Variants in ELL2 observed in about 807,000 individuals in gnomAD.
The protein encoded by ELL2 is RNA polymerase II elongation factor ELL2.
In ELL2, 21 loss-of-function variants were observed where a neutral mutation model predicts 72.8. That is an observed-to-expected ratio of 0.29 (90% CI 0.20 to 0.42). The LOEUF (loss-of-function observed/expected upper bound fraction) is 0.42. Among genes scored for constraint, ELL2 ranks in the 10% least tolerant of loss-of-function variants. The pLI, the probability that ELL2 is intolerant of heterozygous loss-of-function variation, is 1.00. For synonymous variants in ELL2, 266 were observed against 283.2 expected, an observed-to-expected ratio of 0.94 and a Z score of 0.61; for missense variants, 568 against 772.8, an observed-to-expected ratio of 0.73 and a Z score of 3.14.
In ELL2 at chr5:95,933,539, A is replaced by T. The variant is rs114731783; in HGVS notation, c.195+9463T>A. On this transcript the variant is annotated intron_variant, in intron 2 of 11. Transcript: ENST00000237853. ...AAGCAATAAACACATTAAGCCTGCA[A>T]TTTTAAAAATGTAAGTGTGAGCAAG... Among the ~76,000 whole-genome samples the T allele has an allele frequency of 7.5e-3, 1,148 of 152,276 alleles. 12 individuals carry two copies. The highest frequency in any genetic ancestry group is 0.027 in the African/African-American group (1,105 of 41,568).
At chr5:95,907,161 A>T (rs1446427050) in intron 4 of ELL2, among the ~76,000 whole-genome samples, 1 of 151,892 alleles carries the variant, frequency 6.6e-6, no homozygotes, top group African/African-American at 2.4e-5. Context: ...GAAATGTCAG[A>T]AATACCTGTC....
rs1749640466 is a variant in ELL2 at position 95,912,409 on chromosome 5, A to C, written c.481+1362T>G. ...AACAATTTGCCTCACTGTTTATAAA[A>C]TGGTGGTATTGGGCAGAGGAAAACA... On this transcript the variant is annotated intron_variant, in intron 4 of 11. Coordinates refer to ENST00000237853, the MANE Select transcript of ELL2 (RefSeq NM_012081.6). Among the ~76,000 whole-genome samples, 2 of 152,238 alleles carry C rather than the reference A, an allele frequency of 1.3e-5. 1 individual carries two copies. Among genetic ancestry groups the C allele is most frequent in the South Asian group, 4.1e-4 (2 of 4,832 alleles).
At chr5:95,954,811 G>A (rs1751572081) in intron 1 of ELL2, among the ~76,000 whole-genome samples, 1 of 151,698 alleles carries the variant, frequency 6.6e-6, no homozygotes, top group Non-Finnish European at 1.5e-5. Flanking sequence ...GTGGACTCCA[G>A]TTATCTCTGG....
chr5:95,922,417 G>C (rs1032870056), intron 2 of ELL2, among the ~76,000 whole-genome samples: 1 of 152,140 alleles, frequency 6.6e-6, no homozygotes, highest in African/African-American at 2.4e-5. Flanking sequence ...TATTTTTCAA[G>C]AGTGATTAGA....
intron 2 of ELL2, among the ~76,000 whole-genome samples, chr5:95,938,432 C>T (rs1218664696): frequency 1.3e-5 from 2 of 152,140 alleles, no homozygotes; most frequent in Non-Finnish European, 2.9e-5. Flanking sequence ...AACATGATTT[C>T]TAAAAATTAG....
At chr5:95,907,982 C>T (rs1367027334) in intron 4 of ELL2, among the ~76,000 whole-genome samples, 5 of 152,156 alleles carry the variant, frequency 3.3e-5, no homozygotes, top group African/African-American at 1.2e-4. Context: ...CATCCTACCT[C>T]CAGTAAGGGA....
intron 3 of ELL2, among the ~76,000 whole-genome samples, chr5:95,915,270 T>G (rs925800624): frequency 1.3e-5 from 2 of 152,110 alleles, no homozygotes; most frequent in African/African-American, 4.8e-5. Flanking sequence ...GCCCAGCTAA[T>G]TTTTGTATTT....
chr5:95,924,681 G>A (rs1161854594), intron 2 of ELL2, among the ~76,000 whole-genome samples: 2 of 152,140 alleles, frequency 1.3e-5, no homozygotes, highest in East Asian at 1.9e-4. Flanking sequence ...TTCCAAAAAT[G>A]AGAGACTGAA....
At chr5:95,917,001 T>C (rs552921245) in intron 3 of ELL2, among the ~76,000 whole-genome samples, 1 of 152,356 alleles carries the variant, frequency 6.6e-6, no homozygotes, top group African/African-American at 2.4e-5. Flanking sequence ...AGCTAAACGC[T>C]GTAGGCAAGA....
At chr5:95,920,122 G>A (rs1749993133) in intron 2 of ELL2, among the ~76,000 whole-genome samples, 2 of 152,184 alleles carry the variant, frequency 1.3e-5, no homozygotes, top group Admixed American at 6.5e-5. Context: ...GCTGTCCTAA[G>A]ATGCCATTAT....
intron 1 of ELL2, among the ~76,000 whole-genome samples, chr5:95,943,305 G>C (rs1751039876): frequency 6.6e-6 from 1 of 151,104 alleles, no homozygotes; most frequent in African/African-American, 2.4e-5. Context: ...TATGTATTTG[G>C]TCAGTGTCAT....
At chr5:95,918,225 C>T (rs1749902872) in intron 3 of ELL2, among the ~76,000 whole-genome samples, 1 of 152,186 alleles carries the variant, frequency 6.6e-6, no homozygotes, top group Non-Finnish European at 1.5e-5. Flanking sequence ...GCTACTGAGA[C>T]CACAAAATGT....
chr5:95,958,767 T>C (rs1169092097), intron 1 of ELL2, among the ~76,000 whole-genome samples: 1 of 152,202 alleles, frequency 6.6e-6, no homozygotes, highest in South Asian at 2.1e-4. Context: ...TGGGAAAAAG[T>C]CTTCCTCCTT....
intron 1 of ELL2, among the ~76,000 whole-genome samples, chr5:95,943,465 G>C (rs969450275): frequency 2.0e-5 from 3 of 151,948 alleles, no homozygotes; most frequent in African/African-American, 7.3e-5. Flanking sequence ...TCATGTTTTT[G>C]AAACTGACCA....
In ELL2 at chr5:95,898,699, T is replaced by G. The variant is rs756050205; in HGVS notation, c.1066A>C (p.Ser356Arg). 2 of 1,612,600 alleles carry G rather than the reference T, an allele frequency of 1.2e-6. No homozygotes were observed. Among genetic ancestry groups the G allele is most frequent in the African/African-American group, 2.7e-5 (2 of 74,832 alleles). ...PTLNGHLNPT[S>R]EKSAAGLPLP... is the part of the protein sequence containing the mutation. ...GGGAGGCCTGCAGCAGATTTTTCACTGGTGGGATTCAAATGACCATTTAGT... is the reference window on the plus strand; with the variant it reads ...GGGAGGCCTGCAGCAGATTTTTCACGGGTGGGATTCAAATGACCATTTAGT... The change falls in exon 8 of 12, where the codon AGT becomes CGT. Residue 356 changes from serine to arginine, a missense_variant. By Grantham distance (110) the Ser-to-Arg change is moderately radical. Around this residue, in one of 2 missense-constraint regions of ELL2, gnomAD observed 511 missense variants for 728.4 expected, o/e 0.70. Coordinates refer to ENST00000237853, the MANE Select transcript of ELL2 (RefSeq NM_012081.6).
At chr5:95,912,981 A>C (rs1350809756) in intron 4 of ELL2, among the ~76,000 whole-genome samples, 3 of 152,216 alleles carry the variant, frequency 2.0e-5, no homozygotes, top group South Asian at 4.1e-4. Context: ...TGTGTTATTA[A>C]ATTGACCAAG....
chr5:95,900,629 A>G (rs1192441220), intron 7 of ELL2, 64 bp downstream of exon 7: 1 of 1,208,160 alleles, frequency 8.3e-7, no homozygotes, highest in Non-Finnish European at 1.1e-6. Context: ...CTTATACATC[A>G]GAGGACCTGA....
intron 5 of ELL2, among the ~76,000 whole-genome samples, chr5:95,906,315 T>C (rs747514024): frequency 7.2e-5 from 11 of 152,302 alleles, no homozygotes; most frequent in Middle Eastern, 3.4e-3. Flanking sequence ...ATAAAGACAA[T>C]GCTCACATTT....
intron 1 of ELL2, among the ~76,000 whole-genome samples, chr5:95,949,125 T>C (rs1751283821): frequency 6.6e-6 from 1 of 152,208 alleles, no homozygotes; most frequent in Non-Finnish European, 1.5e-5. Flanking sequence ...TGTACACTTA[T>C]TTCCAGGGAC....
Sources: gnomAD v4.1 joint callset for allele counts (sites outside exome capture counted in the v4.1 genomes callset) on GRCh38, gnomAD v4.1.1 for gene constraint, gnomAD v4.1.1 regional missense constraint, MANE v1.5 for transcripts, NCBI Gene and HGNC (gene_info 2026-07-23, HGNC 2026-07-21) for gene names.